The following C20orf96 variants were observed in gnomAD, a reference collection of about 807,000 sequenced individuals.
C20orf96 encodes chromosome 20 open reading frame 96.
A neutral mutation model predicts 52.6 loss-of-function variants in C20orf96; 57 were observed. That is an observed-to-expected ratio of 1.08 (90% CI 0.88 to 1.35). The LOEUF (loss-of-function observed/expected upper bound fraction) is 1.35, where lower values mean the gene tolerates loss of function less well. Among genes scored for constraint, C20orf96 ranks in the 40% most tolerant of loss-of-function variants. C20orf96 has a pLI of 0.00. For synonymous variants in C20orf96, 168 were observed against 157.2 expected, an observed-to-expected ratio of 1.07 and a Z score of -0.51; for missense variants, 478 against 443.6, an observed-to-expected ratio of 1.08 and a Z score of -0.70.
intron 10 of C20orf96, among the ~76,000 whole-genome samples, chr20:274,920 A>G (rs1029897484): frequency 5.9e-5 from 9 of 152,098 alleles, no homozygotes; most frequent in African/African-American, 2.2e-4. Flanking sequence ...TCCAGGTTCA[A>G]GCAATTCTCT....
intron 5 of C20orf96, 36 bp from the exon 6 acceptor site, chr20:278,465 C>G: frequency 6.4e-7 from 1 of 1,557,656 alleles, no homozygotes; most frequent in South Asian, 1.1e-5. Context: ...CCCACAGGCT[C>G]TGCTGGCTCT....
At chr20:279,391 A>G in intron 4 of C20orf96, 61 bp from the exon 5 acceptor site, 22 of 1,539,792 alleles carry the variant, frequency 1.4e-5, no homozygotes, top group Non-Finnish European at 1.8e-5. Flanking sequence ...GAGCCCCCGA[A>G]AGCCCGTGGA....
In C20orf96 at chr20:277,227, TGCTG is replaced by T; in HGVS notation, c.718_721del (p.Gln240ArgfsTer30). 1.2e-6 allele frequency: 2 copies of T among 1,614,174 alleles called. No individual in the cohort carries two copies. The highest frequency in any genetic ancestry group is 1.7e-6 in the Non-Finnish European group (2 of 1,180,028). ...GGAGAGGGGCAGGGGCTCCCCTACC[TGCTG>T]GCTGTCCTTAACCTGCTGCAGCTGG... On this transcript the variant is annotated frameshift_variant and splice_region_variant, in exon 7 of 11. Coordinates refer to ENST00000360321, the MANE Select transcript of C20orf96 (RefSeq NM_153269.3). LOFTEE classifies it high-confidence loss of function.
chr20:290,584 T>TTAA lies in C20orf96; in HGVS notation c.20+6_20+7insTTA. The stretch of plus-strand genomic sequence containing the variant: ...TCCAATTTTTTTTTTTTTTTTTTTT[T>TTAA]ACCTACTTTTGTAAGACATGCGCCA... On this transcript the variant is annotated splice_region_variant and intron_variant, in intron 1 of 10. Coordinates refer to ENST00000360321, the MANE Select transcript of C20orf96 (RefSeq NM_153269.3). 1.3e-6 allele frequency: 2 copies of TTAA among 1,553,120 alleles called. No individual in the cohort carries two copies. Among genetic ancestry groups the TTAA allele is most frequent in the Non-Finnish European group, 1.7e-6 (2 of 1,156,714 alleles).
chr20:278,011 C>T (rs1370960193), intron 6 of C20orf96, among the ~76,000 whole-genome samples: 2 of 152,234 alleles, frequency 1.3e-5, no homozygotes, highest in Non-Finnish European at 2.9e-5. Flanking sequence ...TAACCTTCCA[C>T]AAGCTACTGC....
At chr20:286,645 T>C (rs1286131944) in intron 3 of C20orf96, among the ~76,000 whole-genome samples, 1 of 152,144 alleles carries the variant, frequency 6.6e-6, no homozygotes, top group Non-Finnish European at 1.5e-5. Context: ...AGGTAGTCTA[T>C]GTACCCTTTA....
intron 3 of C20orf96, among the ~76,000 whole-genome samples, chr20:287,303 ACGT>A (rs1339044332): frequency 1.3e-5 from 2 of 152,064 alleles, no homozygotes; most frequent in African/African-American, 4.8e-5. Context: ...GCACAATCTG[ACGT>A]CTCCTCTTTG....
chr20:279,367 G>T, intron 4 of C20orf96, 37 bp from the exon 5 acceptor site: 1 of 1,580,264 alleles, frequency 6.3e-7, no homozygotes, highest in South Asian at 1.1e-5. Context: ...GCGGCGCTGC[G>T]CCCTGCCCGG....
intron 6 of C20orf96, 51 bp from the exon 7 acceptor site, chr20:277,434 C>G (rs1462834264): frequency 6.2e-7 from 1 of 1,600,210 alleles, no homozygotes; most frequent in Non-Finnish European, 8.5e-7. Context: ...GACCTTCCCT[C>G]AAGCACCTGG....
intron 6 of C20orf96, 150 bp downstream of exon 6, chr20:278,180 A>G: frequency 1.4e-6 from 1 of 698,488 alleles, no homozygotes; most frequent in Non-Finnish European, 2.6e-6. Flanking sequence ...TAACTATGCT[A>G]TTCGCTCTGT....
chr20:287,528 G>A (rs543902148), intron 3 of C20orf96, among the ~76,000 whole-genome samples: 9 of 152,200 alleles, frequency 5.9e-5, no homozygotes, highest in African/African-American at 2.2e-4. Context: ...TTTCACTGTT[G>A]AGTTTTTACT....
At position 289,550 on chromosome 20, in the gene C20orf96, T is replaced by A. The variant is rs2012481592; in HGVS notation, c.187+9A>T. ...ACCCCCACACCAGCTCCCAGGTGCC[T>A]CCGCCCACCTGGTTGGACCCTAGTC... On this transcript the variant is annotated intron_variant, in intron 3 of 10. Transcript: ENST00000360321. The A allele has an allele frequency of 3.1e-6, 5 of 1,597,266 alleles. No homozygotes were observed. In the East Asian group the frequency reaches 1.1e-4, roughly 36 times the overall value.
At chr20:272,695 C>G (rs996318054) in intron 10 of C20orf96, among the ~76,000 whole-genome samples, 3 of 152,094 alleles carry the variant, frequency 2.0e-5, no homozygotes, top group Non-Finnish European at 4.4e-5. Flanking sequence ...ACACATCCCT[C>G]ACCCCGCCCC....
At chr20:275,733 A>AG (rs2011995521) in intron 10 of C20orf96, among the ~76,000 whole-genome samples, 2 of 152,158 alleles carry the variant, frequency 1.3e-5, no homozygotes, top group South Asian at 4.1e-4. Flanking sequence ...GGGCCCTTAG[A>AG]GATTACACCA....
At chr20:273,207 TC>T (rs1415384071) in intron 10 of C20orf96, among the ~76,000 whole-genome samples, 1 of 152,192 alleles carries the variant, frequency 6.6e-6, no homozygotes, top group African/African-American at 2.4e-5. Context: ...ACTCCTGGGC[TC>T]AAGCAATCCT....
chr20:270,968 A>C lies in C20orf96; in HGVS notation c.*239T>G. On this transcript the variant is annotated 3_prime_UTR_variant, in exon 11 of 11. Transcript: ENST00000360321. ...CCAGAAAGAAGGGAAGAAGAGAGGAAAAAACCACAGGAAGAAAGAAAGGAG... is the reference window on the plus strand; with the variant it reads ...CCAGAAAGAAGGGAAGAAGAGAGGACAAAACCACAGGAAGAAAGAAAGGAG... The C allele has an allele frequency of 2.0e-6, 1 of 504,594 alleles. No individual in the cohort carries two copies. Among genetic ancestry groups the C allele is most frequent in the Non-Finnish European group, 3.5e-6 (1 of 285,202 alleles). The allele number at this position is 504,594 out of a possible 1,614,324, so 31.3% of individuals were successfully genotyped here. A position where few individuals can be genotyped will look rare whatever the true frequency, so the allele number is the denominator to read the frequency against.
intron 9 of C20orf96, 163 bp downstream of exon 9, chr20:276,630 A>G (rs1259859749): frequency 1.4e-6 from 2 of 1,451,642 alleles, no homozygotes; most frequent in Admixed American, 2.6e-5. Flanking sequence ...TCCCAGATGA[A>G]AGACAAGTGA....
At chr20:284,801 G>A (rs2012340901) in intron 3 of C20orf96, among the ~76,000 whole-genome samples, 1 of 152,170 alleles carries the variant, frequency 6.6e-6, no homozygotes. Flanking sequence ...AGGTTGCAGT[G>A]GTGCGAGATC....
In C20orf96 at chr20:277,100, A is replaced by C; in HGVS notation, c.769T>G (p.Ser257Ala). Residue 257 changes from serine (S) to alanine (A), a missense_variant, in exon 8 of 11, where the codon TCC (serine) becomes GCC (alanine). Ser to Ala is a moderately conservative substitution (Grantham distance 99, BLOSUM62 1). Coordinates refer to ENST00000360321, the MANE Select transcript of C20orf96 (RefSeq NM_153269.3). Reference sequence around the variant, plus strand: ...TTCTTCTGAATCTTGTCAGACAAGGATTCCAGGACCTTTCTGCGCATCTCA... The same window carrying C: ...TTCTTCTGAATCTTGTCAGACAAGGCTTCCAGGACCTTTCTGCGCATCTCA... ...LGEMRRKVLESLSDKIQKKKK... is the reference protein window; with the variant it reads ...LGEMRRKVLEALSDKIQKKKK... 3.1e-6 allele frequency: 5 copies of C among 1,613,902 alleles called. No homozygotes were observed. The highest frequency in any genetic ancestry group is 4.2e-6 in the Non-Finnish European group (5 of 1,179,922).
Sources: allele counts gnomAD v4.1 joint callset (sites outside exome capture counted in the v4.1 genomes callset), GRCh38; gene constraint gnomAD v4.1.1; transcripts MANE v1.5; gene names NCBI Gene and HGNC (gene_info 2026-07-23, HGNC 2026-07-21).